RCOR1: variants seen among roughly 807,000 people sequenced by gnomAD.
RCOR1 encodes REST corepressor 1, also known as REST corepressor.
RCOR1 carries 12 observed loss-of-function variants against 64.0 expected under a neutral mutation model. The ratio of observed to expected loss-of-function variants is 0.19; its 90% CI spans 0.12 to 0.30. RCOR1 has a LOEUF of 0.30. Among genes scored for constraint, RCOR1 ranks in the 10% least tolerant of loss-of-function variants. The probability of loss-of-function intolerance (pLI) is 1.00; values close to 1 mark genes in which losing one functional copy is unlikely to be tolerated. For synonymous variants in RCOR1, 279 were observed against 227.2 expected, an observed-to-expected ratio of 1.23 and a Z score of -2.05; for missense variants, 502 against 621.2, an observed-to-expected ratio of 0.81 and a Z score of 2.04.
Position 102,726,866 on chromosome 14 carries a change from G to A in RCOR1, c.*360G>A, listed in dbSNP as rs1023487703. ...TCAGAGCAGGCAGTCTCCTTGGAAG[G>A]CCCGACTCTGTTCCTGCATGGCCTG... On this transcript the variant is annotated 3_prime_UTR_variant, in exon 12 of 12. Transcript: ENST00000262241. 10 of 267,612 alleles carry A rather than the reference G, an allele frequency of 3.7e-5. No individual in the cohort carries two copies. The highest frequency in any genetic ancestry group is 1.6e-4 in the African/African-American group (7 of 44,368). 16.6% of individuals were successfully genotyped at this position (267,612 alleles called of 1,614,324 possible). A position where few individuals can be genotyped will look rare whatever the true frequency, so the allele number is the denominator to read the frequency against.
intron 4 of RCOR1, among the ~76,000 whole-genome samples, chr14:102,706,352 A>T (rs1159566885): frequency 6.6e-6 from 1 of 152,062 alleles, no homozygotes; most frequent in African/African-American, 2.4e-5. Context: ...CCAAAAACAC[A>T]ATTTTAAAGT....
Position 102,728,675 on chromosome 14 carries a change from C to T in RCOR1, c.*2169C>T, listed in dbSNP as rs537173816. 4.3e-4 allele frequency: 66 copies of T among 152,242 alleles called. No individual in the cohort carries two copies. The highest frequency in any genetic ancestry group is 1.4e-3 in the African/African-American group (60 of 41,526). 9.4% of individuals were successfully genotyped at this position (152,242 alleles called of 1,614,324 possible). On this transcript the variant is annotated 3_prime_UTR_variant, in exon 12 of 12. Coordinates refer to ENST00000262241, the MANE Select transcript of RCOR1 (RefSeq NM_015156.4). The stretch of plus-strand genomic sequence containing the variant: ...TAGCGTGGCAAACTGACCAGCAGTG[C>T]CAGGCCTTGATCTGTATTCTGCACT...
intron 2 of RCOR1, among the ~76,000 whole-genome samples, chr14:102,633,154 A>G (rs1894164177): frequency 6.6e-6 from 1 of 151,528 alleles, no homozygotes; most frequent in Admixed American, 6.6e-5. Context: ...ATCCTCTCAT[A>G]AGATAAAATT....
At chr14:102,695,855 G>A (rs1179042666) in intron 3 of RCOR1, among the ~76,000 whole-genome samples, 1 of 151,800 alleles carries the variant, frequency 6.6e-6, no homozygotes, top group Non-Finnish European at 1.5e-5. Context: ...AGTGCATAGA[G>A]GTCTTAAACC....
At chr14:102,668,503 A>G (rs749038608) in intron 2 of RCOR1, among the ~76,000 whole-genome samples, 13 of 152,140 alleles carry the variant, frequency 8.5e-5, no homozygotes, top group African/African-American at 1.2e-4. Flanking sequence ...GTAATTGGTT[A>G]TGTGTATGTC....
At chr14:102,660,575 T>G (rs12433517) in intron 2 of RCOR1, among the ~76,000 whole-genome samples, 56,023 of 151,922 alleles carry the variant, frequency 0.37, 11,288 homozygotes, top group African/African-American at 0.53. Flanking sequence ...TTGCTGTGTT[T>G]CCTAGGCTGA....
At chr14:102,612,165 G>A (rs1011914799) in intron 2 of RCOR1, among the ~76,000 whole-genome samples, 102 of 151,800 alleles carry the variant, frequency 6.7e-4, no homozygotes, top group African/African-American at 2.3e-3. Context: ...TACTACACAA[G>A]GTAAATCTGG....
Position 102,728,186 on chromosome 14 carries a change from T to C in RCOR1, c.*1680T>C, listed in dbSNP as rs1896308247. 1 of 152,234 alleles carries C rather than the reference T, an allele frequency of 6.6e-6. No individual in the cohort carries two copies. The highest frequency in any genetic ancestry group is 2.1e-4 in the South Asian group (1 of 4,826). 9.4% of individuals were successfully genotyped at this position (152,234 alleles called of 1,614,324 possible). ...TGGAATTGTAAATTTTTTTTTAGTA[T>C]AGTCTGGAGAGAAAGGTCATTCAAA... On this transcript the variant is annotated 3_prime_UTR_variant, in exon 12 of 12. Transcript: ENST00000262241.
In RCOR1 at chr14:102,695,806, C is replaced by G. The variant is rs1895635526; in HGVS notation, c.446-5472C>G. On this transcript the variant is annotated intron_variant, in intron 3 of 11. Transcript: ENST00000262241. ...CCTTGTGATCCACCCACCTCAGCCT[C>G]CCAGAGTGCTGGGATTATAGGTGTG... Among the ~76,000 whole-genome samples the G allele has an allele frequency of 2.6e-5, 4 of 151,780 alleles. No individual in the cohort carries two copies. The South Asian group carries it at 8.3e-4, about 32-fold the overall frequency.
At chr14:102,608,515 A>G (rs960866135) in intron 2 of RCOR1, among the ~76,000 whole-genome samples, 5 of 151,430 alleles carry the variant, frequency 3.3e-5, no homozygotes, top group African/African-American at 1.2e-4. Context: ...ACTCATTGCA[A>G]CCTCTGCCTC....
intron 2 of RCOR1, among the ~76,000 whole-genome samples, chr14:102,610,656 G>A (rs1273637548): frequency 6.6e-6 from 1 of 152,066 alleles, no homozygotes; most frequent in Admixed American, 6.6e-5. Flanking sequence ...TCGCCCACCC[G>A]CGTTCACACC....
Position 102,592,982 on chromosome 14 carries a change from C to A in RCOR1, c.96C>A (p.Ala32=). ...AASASAAAAS[A]AASAACASPA... is the part of the protein sequence containing the mutation. ...CCGCCTCCGCCGCCGCCGCCTCCGCCGCCGCCTCGGCCGCCTGCGCCTCGC... is the reference window on the plus strand; with the variant it reads ...CCGCCTCCGCCGCCGCCGCCTCCGCAGCCGCCTCGGCCGCCTGCGCCTCGC... Residue 32 remains alanine, a synonymous_variant, in exon 1 of 12, where the codon GCC becomes GCA. Transcript: ENST00000262241. 8.6e-7 allele frequency: 1 copy of A among 1,159,186 alleles called. No individual in the cohort carries two copies. Among genetic ancestry groups the A allele is most frequent in the Admixed American group, 4.5e-5 (1 of 22,018 alleles). 71.8% of individuals were successfully genotyped at this position (1,159,186 alleles called of 1,614,324 possible). A position where few individuals can be genotyped will look rare whatever the true frequency, so the allele number is the denominator to read the frequency against.
At chr14:102,656,446 A>G (rs1332226634) in intron 2 of RCOR1, among the ~76,000 whole-genome samples, 1 of 151,172 alleles carries the variant, frequency 6.6e-6, no homozygotes, top group East Asian at 2.0e-4. Flanking sequence ...CCAAGCTGAG[A>G]CATTTTTAAG....
At chr14:102,686,729 T>C (rs1895428257) in intron 3 of RCOR1, among the ~76,000 whole-genome samples, 1 of 152,200 alleles carries the variant, frequency 6.6e-6, no homozygotes, top group African/African-American at 2.4e-5. Context: ...GCATTTAAGG[T>C]TCCACTGTCT....
At position 102,674,593 on chromosome 14, in the gene RCOR1, G is replaced by A. The variant is rs563898774; in HGVS notation, c.362-7302G>A. ...TTGCTGGCTTGCAAGGTATCCACAC[G>A]TCCACTTTACTATACATTGCCAGTT... is the stretch of plus-strand genomic sequence containing the variant. On this transcript the variant is annotated intron_variant, in intron 2 of 11. Coordinates refer to ENST00000262241, the MANE Select transcript of RCOR1 (RefSeq NM_015156.4). 5.9e-5 allele frequency among the ~76,000 whole-genome samples: 9 copies of A among 152,196 alleles called. No individual in the cohort carries two copies. In the South Asian group the frequency reaches 1.0e-3, roughly 18 times the overall value.
rs1165819402 is a variant in RCOR1, at chr14:102,597,681, G to T, written c.361+4356G>T. On this transcript the variant is annotated intron_variant, in intron 2 of 11. Coordinates refer to ENST00000262241, the MANE Select transcript of RCOR1 (RefSeq NM_015156.4). The stretch of plus-strand genomic sequence containing the variant: ...AAATGGAGTCTTTCTATGTTGCCCA[G>T]GCTGGAGTGCAGTGGCACAATCAGC... Among the ~76,000 whole-genome samples the T allele has an allele frequency of 2.2e-5, 3 of 136,056 alleles. No individual in the cohort carries two copies. The East Asian group carries it at 6.2e-4, about 28-fold the overall frequency. 89.3% of individuals were successfully genotyped at this position (136,056 alleles called of 152,430 possible). A position where few individuals can be genotyped will look rare whatever the true frequency, so the allele number is the denominator to read the frequency against.
At chr14:102,596,859 C>A (rs566789243) in intron 2 of RCOR1, among the ~76,000 whole-genome samples, 7 of 144,662 alleles carry the variant, frequency 4.8e-5, no homozygotes, top group African/African-American at 1.8e-4. Context: ...ACCACTGTGA[C>A]TGCCCCTCCC....
intron 3 of RCOR1, among the ~76,000 whole-genome samples, chr14:102,698,063 T>G (rs951628957): frequency 6.6e-6 from 1 of 152,188 alleles, no homozygotes; most frequent in African/African-American, 2.4e-5. Flanking sequence ...AAGGTTACCT[T>G]AGTAAGAATA....
At chr14:102,615,331 G>A (rs1043311669) in intron 2 of RCOR1, among the ~76,000 whole-genome samples, 5 of 150,842 alleles carry the variant, frequency 3.3e-5, no homozygotes, top group South Asian at 2.1e-4. Flanking sequence ...TAGTAGAGAC[G>A]GGGTTTCACC....
Sources: gnomAD v4.1 joint callset for allele counts (sites outside exome capture counted in the v4.1 genomes callset) on GRCh38, gnomAD v4.1.1 for gene constraint, MANE v1.5 for transcripts, NCBI Gene and HGNC (gene_info 2026-07-23, HGNC 2026-07-21) for gene names.